The following KLF9 variants were observed in gnomAD, a reference collection of about 807,000 sequenced individuals.
The protein encoded by KLF9 is Krueppel-like factor 9.
Under a neutral mutation model 17.3 loss-of-function variants are expected in KLF9, and 2 were observed. The ratio of observed to expected loss-of-function variants is 0.12; its 90% CI spans 0.05 to 0.36. The LOEUF is 0.36. Ranked by LOEUF, KLF9 falls within the 10% of genes least tolerant of loss-of-function variation. KLF9 has a pLI of 1.00. For missense variants in KLF9, 226 were observed against 333.2 expected, an observed-to-expected ratio of 0.68 and a Z score of 2.51; for synonymous variants, 138 against 139.2, an observed-to-expected ratio of 0.99 and a Z score of 0.06.
intron 1 of KLF9, among the ~76,000 whole-genome samples, chr9:70,397,679 G>A (rs2037191508): frequency 6.6e-6 from 1 of 152,170 alleles, no homozygotes; most frequent in South Asian, 2.1e-4. Context: ...GTCCTTGTTA[G>A]AAAGCAGGTG....
intron 1 of KLF9, 24 bp downstream of exon 1, chr9:70,412,835 G>A (rs1449565966): frequency 6.5e-7 from 1 of 1,534,314 alleles, no homozygotes; most frequent in Non-Finnish European, 8.8e-7. Context: ...CCAGAGCTCC[G>A]GGGGAGAGGG....
At chr9:70,403,112 T>G (rs975872184) in intron 1 of KLF9, among the ~76,000 whole-genome samples, 1 of 152,200 alleles carries the variant, frequency 6.6e-6, no homozygotes, top group Non-Finnish European at 1.5e-5. Flanking sequence ...ATTGTGCTGC[T>G]GCACTCCAGC....
intron 1 of KLF9, among the ~76,000 whole-genome samples, chr9:70,388,832 G>T (rs2037132503): frequency 6.6e-6 from 1 of 152,132 alleles, no homozygotes; most frequent in Non-Finnish European, 1.5e-5. Context: ...AAGTCATATT[G>T]TCTTAACACT....
rs775844693 is a variant in KLF9 at position 70,388,023 on chromosome 9, G to A, written c.506-18C>T. The A allele has an allele frequency of 1.9e-6, 3 of 1,598,744 alleles. No individual in the cohort carries two copies. The highest frequency in any genetic ancestry group is 2.7e-5 in the African/African-American group (2 of 74,698). The stretch of plus-strand genomic sequence containing the variant: ...CCGTTCACCTAAGAGAAAGGAATCA[G>A]AAAGGATACAGCTCAAAGAACATGA... On this transcript the variant is annotated intron_variant, in intron 1 of 1. Coordinates refer to ENST00000377126, the MANE Select transcript of KLF9 (RefSeq NM_001206.4).
At chr9:70,406,014 T>G (rs1212423140) in intron 1 of KLF9, among the ~76,000 whole-genome samples, 1 of 152,188 alleles carries the variant, frequency 6.6e-6, no homozygotes. Context: ...CCACCCCAGC[T>G]CACTCCACCT....
chr9:70,388,834 C>T (rs1193672432), intron 1 of KLF9, among the ~76,000 whole-genome samples: 2 of 152,128 alleles, frequency 1.3e-5, no homozygotes, highest in Non-Finnish European at 2.9e-5. Flanking sequence ...GTCATATTGT[C>T]TTAACACTAG....
intron 1 of KLF9, among the ~76,000 whole-genome samples, chr9:70,398,750 C>T (rs2037199966): frequency 6.6e-6 from 1 of 152,124 alleles, no homozygotes; most frequent in Admixed American, 6.5e-5. Flanking sequence ...CCTTGGCCTC[C>T]CAAAGTGCTG....
At chr9:70,391,346 T>G (rs1308778191) in intron 1 of KLF9, among the ~76,000 whole-genome samples, 2 of 152,212 alleles carry the variant, frequency 1.3e-5, no homozygotes, top group African/African-American at 4.8e-5. Flanking sequence ...TCCCACTGAA[T>G]TCACTTTCGA....
chr9:70,411,158 C>T (rs910440283), intron 1 of KLF9, among the ~76,000 whole-genome samples: 13 of 152,184 alleles, frequency 8.5e-5, no homozygotes, highest in Non-Finnish European at 1.8e-4. Context: ...TGGCCCAGAA[C>T]GCTGGAAACC....
At chr9:70,406,838 G>T (rs2037258818) in intron 1 of KLF9, among the ~76,000 whole-genome samples, 1 of 151,370 alleles carries the variant, frequency 6.6e-6, no homozygotes, top group Admixed American at 6.6e-5. Context: ...GGAAGGAATG[G>T]CATGCTACAA....
intron 1 of KLF9, among the ~76,000 whole-genome samples, chr9:70,396,972 A>G (rs1400973334): frequency 6.6e-6 from 1 of 152,106 alleles, no homozygotes; most frequent in Non-Finnish European, 1.5e-5. Flanking sequence ...TGAGGCCCAG[A>G]GTTCAAGACC....
chr9:70,413,436 C>G lies in KLF9; in HGVS notation c.-73G>C, dbSNP rs964037675. On this transcript the variant is annotated 5_prime_UTR_variant, in exon 1 of 2. Transcript: ENST00000377126. The surrounding 1 kb of genome is among the most constrained non-coding windows in gnomAD (Gnocchi z 5.6). Reference sequence around the variant, plus strand: ...CTGCGGAGGTTCGGCTCGCCCTGCCCTGGCCTCGGACGACGAGCGCGGCGC... The same window carrying G: ...CTGCGGAGGTTCGGCTCGCCCTGCCGTGGCCTCGGACGACGAGCGCGGCGC... 3.7e-6 allele frequency: 5 copies of G among 1,342,154 alleles called. No homozygotes were observed. The highest frequency in any genetic ancestry group is 4.8e-6 in the Non-Finnish European group (5 of 1,051,136). 83.1% of individuals were successfully genotyped at this position (1,342,154 alleles called of 1,614,324 possible).
rs774374123 is a variant in KLF9 at position 70,387,968 on chromosome 9, A to C, written c.543T>G (p.Leu181=). The change falls in exon 2 of 2, where the codon CTT becomes CTG. Residue 181 remains leucine, a synonymous_variant. Coordinates refer to ENST00000377126, the MANE Select transcript of KLF9 (RefSeq NM_001206.4). ...GCTCGTCTGAGCGGGAGAACTTTTT[A>C]AGGCAGTCTGGCCACGTGCAGGGAA... ...RPFPCTWPDC[L]KKFSRSDELT... 1 of 1,612,750 alleles carries C rather than the reference A, an allele frequency of 6.2e-7. No homozygotes were observed. Among genetic ancestry groups the C allele is most frequent in the Non-Finnish European group, 8.5e-7 (1 of 1,179,920 alleles).
intron 1 of KLF9, among the ~76,000 whole-genome samples, chr9:70,399,020 G>A (rs2037202564): frequency 6.6e-6 from 1 of 151,634 alleles, no homozygotes; most frequent in Non-Finnish European, 1.5e-5. Flanking sequence ...TTTTTGTATA[G>A]TCAGGGGTCT....
chr9:70,401,555 C>T (rs182774869), intron 1 of KLF9, among the ~76,000 whole-genome samples: 2,153 of 151,408 alleles, frequency 0.014, 18 homozygotes, highest in Admixed American at 0.02. Flanking sequence ...GGTGTGGTGG[C>T]GGGCACCTGT....
chr9:70,401,577 C>T (rs577775607), intron 1 of KLF9, among the ~76,000 whole-genome samples: 2 of 148,056 alleles, frequency 1.4e-5, no homozygotes, highest in Non-Finnish European at 3.0e-5. Flanking sequence ...ATCCCAGCTA[C>T]TTAGGAGGCT....
Position 70,413,519 on chromosome 9 carries a change from G to T in KLF9, c.-156C>A. On this transcript the variant is annotated 5_prime_UTR_variant, in exon 1 of 2. In the 5' UTR this introduces an upstream ATG that the reference lacks. Coordinates refer to ENST00000377126, the MANE Select transcript of KLF9 (RefSeq NM_001206.4). This position sits in a 1 kb window ranked among gnomAD's most constrained non-coding sequence, Gnocchi z 5.6. ...GGGCGCGGGGCGCTTCCGACTCGCA[G>T]GAGCGCCGAGGCGACCTCAGCCCCT... is the stretch of plus-strand genomic sequence containing the variant. The T allele has an allele frequency of 1.5e-6, 1 of 680,720 alleles. No homozygotes were observed. The highest frequency in any genetic ancestry group is 2.0e-6 in the Non-Finnish European group (1 of 502,490). The allele number at this position is 680,720 out of a possible 1,614,324, so 42.2% of individuals were successfully genotyped here.
Position 70,385,610 on chromosome 9 carries a change from C to G in KLF9, c.*2166G>C, listed in dbSNP as rs1587736891. On this transcript the variant is annotated 3_prime_UTR_variant, in exon 2 of 2. Transcript: ENST00000377126. ...TGACTTTTTACAAGTTAGCAAGTTGCTAGGCAACCCCAAACTCCTCACTCA... is the reference window on the plus strand; with the variant it reads ...TGACTTTTTACAAGTTAGCAAGTTGGTAGGCAACCCCAAACTCCTCACTCA... 1 of 152,580 alleles carries G rather than the reference C, an allele frequency of 6.6e-6. No individual in the cohort carries two copies. The highest frequency in any genetic ancestry group is 1.9e-4 in the East Asian group (1 of 5,196). 9.5% of individuals were successfully genotyped at this position (152,580 alleles called of 1,614,324 possible).
chr9:70,412,265 A>C (rs916634243), intron 1 of KLF9, among the ~76,000 whole-genome samples: 34 of 147,484 alleles, frequency 2.3e-4, no homozygotes, highest in Non-Finnish European at 4.5e-5. Context: ...GAAGTTAACC[A>C]CCATTACTTG....
Sources: gnomAD v4.1 joint callset for allele counts (sites outside exome capture counted in the v4.1 genomes callset) on GRCh38, gnomAD v4.1.1 for gene constraint, Gnocchi (gnomAD v3.1) non-coding constraint, MANE v1.5 for transcripts, NCBI Gene and HGNC (gene_info 2026-07-23, HGNC 2026-07-21) for gene names.